GALNT5: variants seen among roughly 807,000 people sequenced by gnomAD.
GALNT5 encodes UDP-GalNAc:polypeptide N-acetylgalactosaminyltransferase 5.
A neutral mutation model predicts 85.4 loss-of-function variants in GALNT5; 72 were observed. The ratio of observed to expected loss-of-function variants is 0.84; its 90% CI spans 0.70 to 1.03. The LOEUF (loss-of-function observed/expected upper bound fraction) is 1.03, where lower values mean the gene tolerates loss of function less well. Ranked by LOEUF, GALNT5 falls within the 50% of genes least tolerant of loss-of-function variation. The pLI, the probability that GALNT5 is intolerant of heterozygous loss-of-function variation, is 0.00. For missense variants in GALNT5, 1,137 were observed against 1,135.5 expected, an observed-to-expected ratio of 1.00 and a Z score of -0.02; for synonymous variants, 404 against 397.0, an observed-to-expected ratio of 1.02 and a Z score of -0.21.
chr2:157,295,333 C>T (rs1215046081), intron 3 of GALNT5, among the ~76,000 whole-genome samples: 1 of 152,040 alleles, frequency 6.6e-6, no homozygotes, highest in Admixed American at 6.6e-5. Context: ...ATCCTGCACC[C>T]CCAGAGTTAA....
chr2:157,278,561 T>C (rs1442992377), intron 1 of GALNT5, among the ~76,000 whole-genome samples: 1 of 152,196 alleles, frequency 6.6e-6, no homozygotes, highest in African/African-American at 2.4e-5. Context: ...ATTTCATTAA[T>C]TTGATCTTCA....
At chr2:157,282,233 T>G (rs2105140366) in intron 1 of GALNT5, among the ~76,000 whole-genome samples, 1 of 152,312 alleles carries the variant, frequency 6.6e-6, no homozygotes, top group African/African-American at 2.4e-5. Flanking sequence ...ATTTATTTTT[T>G]TTAATATTAG....
Position 157,314,063 on chromosome 2 carries a change from G to A in GALNT5, c.*2715G>A, listed in dbSNP as rs565012004. ...ATTTTTTCAGGAGATTAGAATAAAG[G>A]TATACATGCTACTCGGTCTTCTGGT... On this transcript the variant is annotated 3_prime_UTR_variant, in exon 10 of 10. Coordinates refer to ENST00000259056, the MANE Select transcript of GALNT5 (RefSeq NM_014568.3). The A allele has an allele frequency of 3.3e-5, 5 of 152,122 alleles. No individual in the cohort carries two copies. Among genetic ancestry groups the A allele is most frequent in the Admixed American group, 6.5e-5 (1 of 15,274 alleles). 9.4% of individuals were successfully genotyped at this position (152,122 alleles called of 1,614,324 possible).
At chr2:157,308,095 A>G (rs1000065718) in intron 8 of GALNT5, among the ~76,000 whole-genome samples, 1 of 152,144 alleles carries the variant, frequency 6.6e-6, no homozygotes, top group Non-Finnish European at 1.5e-5. Flanking sequence ...TAAAATCTCC[A>G]CCCAAGAAAT....
At chr2:157,288,629 A>G (rs1482089391) in intron 3 of GALNT5, among the ~76,000 whole-genome samples, 1 of 152,238 alleles carries the variant, frequency 6.6e-6, no homozygotes, top group African/African-American at 2.4e-5. Context: ...AAATTTTTCT[A>G]AAGTTTTGTG....
rs1491196830 is a variant in GALNT5 at position 157,317,199 on chromosome 2, T to TATA, written c.*5851_*5852insATA. 3.9e-3 allele frequency among the ~76,000 whole-genome samples: 416 copies of TATA among 107,080 alleles called. 1 individual carries two copies. The highest frequency in any genetic ancestry group is 5.2e-3 in the Non-Finnish European group (275 of 53,074). The allele number at this position is 107,080 out of a possible 152,430, so 70.2% of individuals were successfully genotyped here. A position where few individuals can be genotyped will look rare whatever the true frequency, so the allele number is the denominator to read the frequency against. The stretch of plus-strand genomic sequence containing the variant: ...GTATATATATATATATATATATATA[T>TATA]TTTTTTTTTTGATGCTTTGATCTGG... On this transcript the variant is annotated 3_prime_UTR_variant, in exon 10 of 10. Coordinates refer to ENST00000259056, the MANE Select transcript of GALNT5 (RefSeq NM_014568.3).
At chr2:157,290,112 T>TATATACACACACAC (rs1416458086) in intron 3 of GALNT5, among the ~76,000 whole-genome samples, 3 of 138,232 alleles carry the variant, frequency 2.2e-5, no homozygotes, top group East Asian at 4.1e-4. Context: ...TATATATATA[T>TATATACACACACAC]ACATACACAA....
intron 1 of GALNT5, among the ~76,000 whole-genome samples, chr2:157,283,535 T>A (rs1039350988): frequency 2.6e-5 from 4 of 152,288 alleles, no homozygotes; most frequent in Non-Finnish European, 5.9e-5. Flanking sequence ...TAGCAGAGTA[T>A]CAGCAAGGAA....
chr2:157,265,259 T>C (rs891820144), intron 1 of GALNT5, among the ~76,000 whole-genome samples: 7 of 152,198 alleles, frequency 4.6e-5, no homozygotes, highest in Admixed American at 3.9e-4. Context: ...GGCTGTAACA[T>C]AATGAAGGTG....
chr2:157,303,427 C>A (rs765381333), intron 7 of GALNT5, among the ~76,000 whole-genome samples: 2 of 152,096 alleles, frequency 1.3e-5, no homozygotes, highest in Non-Finnish European at 1.5e-5. Flanking sequence ...ATAAATTGTG[C>A]GGAATGTCTA....
chr2:157,295,758 G>A lies in GALNT5; in HGVS notation c.1837G>A (p.Ala613Thr). ...ERVYLSRKKV[A>T]CPVIEVINDK... ...AGTTTATTTAAGTAGAAAGAAAGTG[G>A]CCTGTCCAGTAATCGAAGTCATCAA... is the stretch of plus-strand genomic sequence containing the variant. The change falls in exon 4 of 10, where the codon GCC (alanine) becomes ACC (threonine). Residue 613 changes from alanine to threonine, a missense_variant. Transcript: ENST00000259056. The A allele has an allele frequency of 6.2e-7, 1 of 1,609,008 alleles. No individual in the cohort carries two copies. Among genetic ancestry groups the A allele is most frequent in the South Asian group, 1.1e-5 (1 of 90,942 alleles).
At chr2:157,273,240 T>A (rs1682631667) in intron 1 of GALNT5, among the ~76,000 whole-genome samples, 1 of 152,216 alleles carries the variant, frequency 6.6e-6, no homozygotes, top group Admixed American at 6.5e-5. Context: ...TGTTCCCTTT[T>A]TTGCCTTATG....
chr2:157,286,471 C>T (rs1574024228), intron 3 of GALNT5, among the ~76,000 whole-genome samples: 1 of 152,048 alleles, frequency 6.6e-6, no homozygotes, highest in East Asian at 1.9e-4. Context: ...ATGCTCTTTT[C>T]AAGTTTTCTC....
chr2:157,297,519 C>G (rs1001379706), intron 5 of GALNT5, among the ~76,000 whole-genome samples: 27 of 152,216 alleles, frequency 1.8e-4, no homozygotes, highest in African/African-American at 6.3e-4. Context: ...GGATTTAACA[C>G]TCTTATTCTG....
chr2:157,271,920 C>G (rs1371542888), intron 1 of GALNT5, among the ~76,000 whole-genome samples: 3 of 152,086 alleles, frequency 2.0e-5, no homozygotes, highest in East Asian at 1.9e-4. Flanking sequence ...AAACAAAGCC[C>G]CAGACCCAGC....
chr2:157,283,149 A>T (rs888179898), intron 1 of GALNT5, among the ~76,000 whole-genome samples: 1 of 152,202 alleles, frequency 6.6e-6, no homozygotes, highest in Admixed American at 6.5e-5. Context: ...CCATTTACTA[A>T]CTGCAGAATC....
In GALNT5 at chr2:157,257,771, T is replaced by G; in HGVS notation, c.-312T>G. ...CATGGGCTCCCGGAGACAAGACAAG[T>G]GATATGTTGAACTGTTCGGTGGCTG... On this transcript the variant is annotated 5_prime_UTR_variant, in exon 1 of 10. An upstream open reading frame in the 5' UTR loses its in-frame stop. Transcript: ENST00000259056. The G allele has an allele frequency of 6.9e-6, 2 of 288,900 alleles. No individual in the cohort carries two copies. Among genetic ancestry groups the G allele is most frequent in the East Asian group, 8.5e-5 (1 of 11,764 alleles). 17.9% of individuals were successfully genotyped at this position (288,900 alleles called of 1,614,324 possible).
intron 1 of GALNT5, among the ~76,000 whole-genome samples, chr2:157,277,260 A>T (rs919200781): frequency 2.0e-5 from 3 of 152,182 alleles, no homozygotes; most frequent in African/African-American, 7.2e-5. Flanking sequence ...TCAATTTTAG[A>T]ATAAGTGCGA....
chr2:157,305,896 AC>A, intron 8 of GALNT5, 67 bp downstream of exon 8: 1 of 849,894 alleles, frequency 1.2e-6, no homozygotes, highest in Non-Finnish European at 1.9e-6. Flanking sequence ...TCATTGCTCA[AC>A]TGAGAAATTC....
Sources: gnomAD v4.1 joint callset for allele counts (sites outside exome capture counted in the v4.1 genomes callset) on GRCh38, gnomAD v4.1.1 for gene constraint, MANE v1.5 for transcripts, NCBI Gene and HGNC (gene_info 2026-07-23, HGNC 2026-07-21) for gene names.